UAP1: variants seen among roughly 807,000 people sequenced by gnomAD.
UAP1 encodes the protein UDP-N-acetylhexosamine pyrophosphorylase.
UAP1 carries 25 observed loss-of-function variants against 58.5 expected under a neutral mutation model. The ratio of observed to expected loss-of-function variants is 0.43; its 90% CI spans 0.31 to 0.60. The LOEUF (loss-of-function observed/expected upper bound fraction) is 0.60. UAP1 is among the 20% of genes least tolerant of loss of function. The pLI, the probability that UAP1 is intolerant of heterozygous loss-of-function variation, is 0.11. For synonymous variants in UAP1, 208 were observed against 213.0 expected, an observed-to-expected ratio of 0.98 and a Z score of 0.21; for missense variants, 575 against 630.0, an observed-to-expected ratio of 0.91 and a Z score of 0.93.
chr1:162,587,831 G>T, intron 6 of UAP1, 163 bp downstream of exon 6: 1 of 711,412 alleles, frequency 1.4e-6, no homozygotes. Flanking sequence ...ATTGTTTTTA[G>T]TAAGATGTAT....
rs143303665 is a variant in UAP1 at position 162,579,099 on chromosome 1, A to G, written c.486-329A>G. On this transcript the variant is annotated intron_variant, in intron 3 of 10. Transcript: ENST00000271469. ...TACCCTTTTCTTCCTGTTTATTCAGAATAGGCATTTCAAATTTAAAATACA... is the reference window on the plus strand; with the variant it reads ...TACCCTTTTCTTCCTGTTTATTCAGGATAGGCATTTCAAATTTAAAATACA... Among the ~76,000 whole-genome samples, 17 of 152,344 alleles carry G rather than the reference A, an allele frequency of 1.1e-4. No individual in the cohort carries two copies. The East Asian group carries it at 2.9e-3, about 26-fold the overall frequency.
chr1:162,567,943 G>A (rs1051170344), intron 2 of UAP1, among the ~76,000 whole-genome samples: 3 of 151,946 alleles, frequency 2.0e-5, no homozygotes, highest in Non-Finnish European at 4.4e-5. Context: ...TTACAGGTTC[G>A]TACCACCATG....
chr1:162,567,794 T>A (rs917602790), intron 2 of UAP1, among the ~76,000 whole-genome samples: 1 of 152,188 alleles, frequency 6.6e-6, no homozygotes. Context: ...TACATATTTT[T>A]TTGTTTCTTT....
intron 9 of UAP1, among the ~76,000 whole-genome samples, chr1:162,594,086 T>G (rs1655484206): frequency 6.6e-6 from 1 of 152,166 alleles, no homozygotes; most frequent in Non-Finnish European, 1.5e-5. Context: ...TGAGGGTGGT[T>G]TCAGGATGAT....
chr1:162,565,214 C>G (rs957961692), intron 1 of UAP1, among the ~76,000 whole-genome samples: 2 of 152,132 alleles, frequency 1.3e-5, no homozygotes, highest in Non-Finnish European at 2.9e-5. Flanking sequence ...TGTGAACTTT[C>G]TAGACAGCAC....
rs1462134357 is a variant in UAP1 at position 162,584,109 on chromosome 1, G to A, written c.834+2650G>A. The stretch of plus-strand genomic sequence containing the variant: ...AGTTCAAAAATCTTTAAACTGGTGT[G>A]CTAACTTTTGTGAGTACACTAATCA... On this transcript the variant is annotated intron_variant, in intron 5 of 10. Coordinates refer to ENST00000271469, the Ensembl canonical transcript of UAP1. Among the ~76,000 whole-genome samples, 5 of 152,310 alleles carry A rather than the reference G, an allele frequency of 3.3e-5. No individual in the cohort carries two copies. The East Asian group carries it at 9.6e-4, about 29-fold the overall frequency.
intron 9 of UAP1, among the ~76,000 whole-genome samples, chr1:162,595,346 C>T (rs751859730): frequency 1.6e-4 from 25 of 152,002 alleles, no homozygotes; most frequent in Non-Finnish European, 3.7e-4. Context: ...ACACTGAATC[C>T]TTCAGGGGTT....
In UAP1 at chr1:162,586,711, T is replaced by C. The variant is rs569452056; in HGVS notation, c.835-764T>C. ...ATACCAAAATCACTTGTGAGGTTTTTAAAAATTACATATTCTTAATTTTCC... is the reference window on the plus strand; with the variant it reads ...ATACCAAAATCACTTGTGAGGTTTTCAAAAATTACATATTCTTAATTTTCC... On this transcript the variant is annotated intron_variant, in intron 5 of 10. Coordinates refer to ENST00000271469, the Ensembl canonical transcript of UAP1. Among the ~76,000 whole-genome samples the C allele has an allele frequency of 5.3e-5, 8 of 152,328 alleles. No homozygotes were observed. In the South Asian group the frequency reaches 1.7e-3, roughly 32 times the overall value.
intron 1 of UAP1, among the ~76,000 whole-genome samples, chr1:162,565,143 G>A (rs1653409063): frequency 6.6e-6 from 1 of 152,076 alleles, no homozygotes. Context: ...ACCATGCCTG[G>A]CCTCTAATCT....
At chr1:162,575,378 C>T (rs998480367) in intron 2 of UAP1, among the ~76,000 whole-genome samples, 7 of 152,020 alleles carry the variant, frequency 4.6e-5, no homozygotes, top group African/African-American at 1.4e-4. Flanking sequence ...CTACAAAAGG[C>T]GTTTTAATAA....
intron 2 of UAP1, among the ~76,000 whole-genome samples, chr1:162,570,408 A>G (rs892012471): frequency 1.3e-5 from 2 of 152,190 alleles, no homozygotes; most frequent in African/African-American, 4.8e-5. Flanking sequence ...GAACCCCCAC[A>G]TAAGCCCCCT....
rs1270753458 is a variant in UAP1 at position 162,587,681 on chromosome 1, T to TG, written c.1028+18dup. ...GAGATGTTGTCAAGTATGGGCAAGATGGGGGCCTTTTAAAATTATATTTAT... is the reference window on the plus strand; with the variant it reads ...GAGATGTTGTCAAGTATGGGCAAGATGGGGGGCCTTTTAAAATTATATTTAT... On this transcript the variant is annotated intron_variant, in intron 6 of 10. Transcript: ENST00000271469. 23 of 1,601,444 alleles carry TG rather than the reference T, an allele frequency of 1.4e-5. No homozygotes were observed. The highest frequency in any genetic ancestry group is 2.0e-5 in the Non-Finnish European group (23 of 1,172,196).
intron 3 of UAP1, among the ~76,000 whole-genome samples, chr1:162,578,846 T>C (rs1408550924): frequency 6.6e-6 from 1 of 152,216 alleles, no homozygotes; most frequent in Non-Finnish European, 1.5e-5. Context: ...AAATCCCTTC[T>C]TATATGTAGT....
At chr1:162,583,486 A>C (rs2101798472) in intron 5 of UAP1, among the ~76,000 whole-genome samples, 1 of 151,746 alleles carries the variant, frequency 6.6e-6, no homozygotes, top group African/African-American at 2.4e-5. Context: ...TAGAAACTTA[A>C]AATTGTACTG....
chr1:162,562,808 CTCTGATACTGTTTT>C (rs1653244669), intron 1 of UAP1, among the ~76,000 whole-genome samples: 1 of 152,122 alleles, frequency 6.6e-6, no homozygotes, highest in South Asian at 2.1e-4. Flanking sequence ...TATGTCTCAA[CTCTGATACTGTTTT>C]TCAAAAGCTT....
intron 2 of UAP1, among the ~76,000 whole-genome samples, chr1:162,572,446 G>A (rs1230092416): frequency 1.3e-5 from 2 of 152,232 alleles, no homozygotes; most frequent in Non-Finnish European, 2.9e-5. Context: ...CTGAGACATG[G>A]AGCTGGCTCT....
At chr1:162,581,920 T>C (rs1441877103) in intron 5 of UAP1, among the ~76,000 whole-genome samples, 4 of 152,262 alleles carry the variant, frequency 2.6e-5, no homozygotes, top group Middle Eastern at 3.4e-3. Context: ...ATAAGGACAA[T>C]TAAAGAGGTG....
intron 4 of UAP1, among the ~76,000 whole-genome samples, chr1:162,579,980 T>A (rs1374220097): frequency 2.6e-5 from 4 of 152,222 alleles, no homozygotes; most frequent in Non-Finnish European, 5.9e-5. Flanking sequence ...TTCTCCTGCC[T>A]CAGCCTCCTG....
At chr1:162,589,134 T>A (rs1405951626) in intron 7 of UAP1, among the ~76,000 whole-genome samples, 123 of 108,420 alleles carry the variant, frequency 1.1e-3, no homozygotes, top group African/African-American at 3.8e-3. Context: ...TATATATAAT[T>A]TATATATTTA....
Sources: gnomAD v4.1 joint callset for allele counts (sites outside exome capture counted in the v4.1 genomes callset) on GRCh38, gnomAD v4.1.1 for gene constraint, MANE v1.5 for transcripts, NCBI Gene and HGNC (gene_info 2026-07-23, HGNC 2026-07-21) for gene names.